Variants in FHIP1A observed in about 807,000 individuals in gnomAD.
FHIP1A encodes FHF complex subunit HOOK interacting protein 1A, also known as FHF complex subunit HOOK-interacting protein 1A.
Under a neutral mutation model 88.6 loss-of-function variants are expected in FHIP1A, and 61 were observed. That is an observed-to-expected ratio of 0.69 (90% CI 0.56 to 0.85). The LOEUF (loss-of-function observed/expected upper bound fraction) is 0.85, where lower values mean the gene tolerates loss of function less well. Ranked by LOEUF, FHIP1A falls within the 40% of genes least tolerant of loss-of-function variation. FHIP1A has a pLI of 0.00. For missense variants in FHIP1A, 1,154 were observed against 1,273.5 expected (o/e 0.91, Z 1.43); for synonymous variants, 478 against 496.0 (o/e 0.96, Z 0.48).
intron 7 of FHIP1A, among the ~76,000 whole-genome samples, chr4:151,603,353 A>G (rs1323061883): frequency 2.6e-5 from 4 of 151,998 alleles, no homozygotes; most frequent in African/African-American, 9.7e-5. Context: ...CGCTTTATTA[A>G]CAACCCCTGG....
At chr4:151,540,559 C>G (rs1395427944) in intron 3 of FHIP1A, among the ~76,000 whole-genome samples, 2 of 152,108 alleles carry the variant, frequency 1.3e-5, no homozygotes, top group Admixed American at 6.5e-5. Flanking sequence ...TAAAGTGATT[C>G]ATTTTTAAGC....
intron 1 of FHIP1A, among the ~76,000 whole-genome samples, chr4:151,412,546 G>A (rs960192863): frequency 9.3e-5 from 14 of 150,342 alleles, no homozygotes; most frequent in Non-Finnish European, 1.6e-4. Context: ...TGTGAAATGG[G>A]CTTTTCTTTT....
Position 151,649,795 on chromosome 4 carries a change from C to A in FHIP1A, c.1754C>A (p.Thr585Asn). 1 of 1,551,694 alleles carries A rather than the reference C, an allele frequency of 6.4e-7. No homozygotes were observed. The highest frequency in any genetic ancestry group is 1.4e-5 in the African/African-American group (1 of 73,160). ...TELEWDDSYD[T>N]GISSGADVGS... is the part of the protein sequence containing the mutation. ...CTGGAATGGGATGACAGCTATGACA[C>A]TGGAATCTCCTCAGGGGCTGACGTG... Residue 585 changes from threonine (T) to asparagine (N), a missense_variant, in exon 11 of 14, where the codon ACT becomes AAT. Thr to Asn is a moderately conservative substitution (Grantham distance 65). Transcript: ENST00000435205.
chr4:151,666,542 T>A lies in FHIP1A; in HGVS notation c.*3788T>A, dbSNP rs1008169786. On this transcript the variant is annotated 3_prime_UTR_variant, in exon 14 of 14. Coordinates refer to ENST00000435205, the MANE Select transcript of FHIP1A (RefSeq NM_001109977.3). ...GAGCCAGGGTCTTGTCAGGAAAGCATCCTCTTATGAACAGAATCTAGAAAC... is the reference window on the plus strand; with the variant it reads ...GAGCCAGGGTCTTGTCAGGAAAGCAACCTCTTATGAACAGAATCTAGAAAC... 4.6e-5 allele frequency among the ~76,000 whole-genome samples: 7 copies of A among 152,224 alleles called. No individual in the cohort carries two copies. Among genetic ancestry groups the A allele is most frequent in the African/African-American group, 1.7e-4 (7 of 41,448 alleles).
At chr4:151,569,256 A>C (rs1231420124) in intron 4 of FHIP1A, among the ~76,000 whole-genome samples, 1 of 152,188 alleles carries the variant, frequency 6.6e-6, no homozygotes, top group Non-Finnish European at 1.5e-5. Flanking sequence ...TAAATGTTAA[A>C]TTAGCAAAAA....
intron 5 of FHIP1A, among the ~76,000 whole-genome samples, chr4:151,583,466 GC>G (rs1318886505): frequency 1.3e-5 from 2 of 152,160 alleles, no homozygotes; most frequent in Non-Finnish European, 2.9e-5. Flanking sequence ...TCTCAGCCAT[GC>G]CCTTTCACAA....
At chr4:151,608,337 G>T (rs550060195) in intron 7 of FHIP1A, among the ~76,000 whole-genome samples, 1 of 151,848 alleles carries the variant, frequency 6.6e-6, no homozygotes, top group African/African-American at 2.4e-5. Context: ...GAGGCACCAC[G>T]TCCGACCCCT....
intron 7 of FHIP1A, among the ~76,000 whole-genome samples, chr4:151,616,846 C>T (rs1735553536): frequency 1.3e-5 from 2 of 152,108 alleles, no homozygotes; most frequent in Admixed American, 1.3e-4. Flanking sequence ...CTCCTGGGTT[C>T]CAGTGATCAT....
At chr4:151,597,098 A>G (rs888055263) in intron 7 of FHIP1A, among the ~76,000 whole-genome samples, 1 of 152,004 alleles carries the variant, frequency 6.6e-6, no homozygotes, top group Non-Finnish European at 1.5e-5. Context: ...TTTGGAGGAG[A>G]AGAGGCATTC....
At chr4:151,526,579 A>G (rs1233073553) in intron 3 of FHIP1A, among the ~76,000 whole-genome samples, 41 of 117,610 alleles carry the variant, frequency 3.5e-4, no homozygotes, top group African/African-American at 1.3e-3. Context: ...GGCGCCCCTC[A>G]CCTCCCGGAC....
chr4:151,509,648 CAA>C (rs1730956324), intron 3 of FHIP1A, among the ~76,000 whole-genome samples: 1 of 151,988 alleles, frequency 6.6e-6, no homozygotes, highest in African/African-American at 2.4e-5. Context: ...TAATGGTGAC[CAA>C]TAGAAGGCTA....
intron 3 of FHIP1A, among the ~76,000 whole-genome samples, chr4:151,484,770 A>G (rs1449845943): frequency 6.6e-6 from 1 of 152,240 alleles, no homozygotes; most frequent in Non-Finnish European, 1.5e-5. Context: ...GCAATTACAG[A>G]TATTCTGAGC....
chr4:151,504,847 C>A (rs1730776422), intron 3 of FHIP1A, among the ~76,000 whole-genome samples: 1 of 152,034 alleles, frequency 6.6e-6, no homozygotes, highest in Non-Finnish European at 1.5e-5. Flanking sequence ...CAAACTGCTG[C>A]CTGCAGGTGA....
chr4:151,554,655 A>C (rs1305743763), intron 3 of FHIP1A, among the ~76,000 whole-genome samples: 1 of 152,180 alleles, frequency 6.6e-6, no homozygotes, highest in Non-Finnish European at 1.5e-5. Flanking sequence ...TGTGAATTTT[A>C]CACCCTTCAA....
intron 3 of FHIP1A, among the ~76,000 whole-genome samples, chr4:151,485,516 G>T (rs2126639632): frequency 6.6e-6 from 1 of 151,642 alleles, no homozygotes; most frequent in Admixed American, 6.6e-5. Flanking sequence ...GATGAACAGT[G>T]CAAACTTCAC....
At chr4:151,609,715 G>C in intron 7 of FHIP1A, among the ~76,000 whole-genome samples, 1 of 152,112 alleles carries the variant, frequency 6.6e-6, no homozygotes, top group East Asian at 1.9e-4. Context: ...GCTGATACCT[G>C]GGCATATTGT....
chr4:151,465,751 A>G (rs1729288784), intron 2 of FHIP1A, among the ~76,000 whole-genome samples: 1 of 152,222 alleles, frequency 6.6e-6, no homozygotes, highest in Admixed American at 6.5e-5. Context: ...CCCATCACAT[A>G]AACAGAACCA....
chr4:151,436,539 C>T (rs553388531), intron 1 of FHIP1A: 1 of 152,234 alleles, frequency 6.6e-6, no homozygotes, highest in South Asian at 2.1e-4. Context: ...TTATCCTACT[C>T]GTTTAAAAGT....
chr4:151,594,032 T>C (rs1165785131), intron 7 of FHIP1A, among the ~76,000 whole-genome samples: 1 of 152,246 alleles, frequency 6.6e-6, no homozygotes, highest in Non-Finnish European at 1.5e-5. Context: ...GTGGTTTTTG[T>C]AATTGGTTCT....
Sources: gnomAD v4.1 joint callset for allele counts (sites outside exome capture counted in the v4.1 genomes callset) on GRCh38, gnomAD v4.1.1 for gene constraint, MANE v1.5 for transcripts, NCBI Gene and HGNC (gene_info 2026-07-23, HGNC 2026-07-21) for gene names.